Variants in STARD9 observed in about 807,000 individuals in gnomAD.
STARD9 encodes stAR-related lipid transfer protein 9.
In STARD9, 346 loss-of-function variants were observed where a neutral mutation model predicts 399.8. That is an observed-to-expected ratio of 0.87 (90% CI 0.79 to 0.95). The LOEUF is 0.95. STARD9 is among the 40% of genes least tolerant of loss of function. The probability of loss-of-function intolerance (pLI) is 0.00; values close to 1 mark genes in which losing one functional copy is unlikely to be tolerated. For synonymous variants in STARD9, 2,203 were observed against 2,143.5 expected (o/e 1.03, Z -0.77); for missense variants, 5,832 against 5,667.5 (o/e 1.03, Z -0.93).
chr15:42,602,976 G>T (rs572711131), intron 3 of STARD9, among the ~76,000 whole-genome samples: 73 of 152,128 alleles, frequency 4.8e-4, no homozygotes, highest in Non-Finnish European at 1.0e-3. Flanking sequence ...CTATTCTCCT[G>T]CCTCATATCC....
intron 7 of STARD9, among the ~76,000 whole-genome samples, chr15:42,641,713 T>C (rs2059542201): frequency 6.6e-6 from 1 of 152,016 alleles, no homozygotes; most frequent in Non-Finnish European, 1.5e-5. Flanking sequence ...CAAGCGATTC[T>C]CCTGCCTCAG....
chr15:42,692,174 C>G lies in STARD9; in HGVS notation c.10596C>G (p.Tyr3532Ter), dbSNP rs771467900. 6.5e-6 allele frequency: 10 copies of G among 1,536,952 alleles called. No individual in the cohort carries two copies. Among genetic ancestry groups the G allele is most frequent in the Admixed American group, 3.9e-5 (2 of 50,972 alleles). Residue 3532 changes from tyrosine to a stop codon, truncating the protein, a stop_gained, in exon 23 of 33, where the codon TAC becomes TAG. Transcript: ENST00000290607. LOFTEE classifies it high-confidence loss of function. Reference protein sequence around the residue: ...NSPFHSHLSTYANICDLSTTH... With the variant: ...NSPFHSHLST The stretch of plus-strand genomic sequence containing the variant: ...CTTTCCACTCCCACCTCAGCACTTA[C>G]GCCAATATTTGTGATCTGTCAACCA...
intron 15 of STARD9, among the ~76,000 whole-genome samples, chr15:42,668,232 G>GA (rs2089200028): frequency 1.3e-5 from 2 of 152,100 alleles, no homozygotes; most frequent in South Asian, 4.1e-4. Context: ...CCCTTTACAG[G>GA]TACCCTGTAG....
rs201642587 is a variant in STARD9, at chr15:42,712,080, AT to A, written c.13285-4595del. On this transcript the variant is annotated intron_variant, in intron 26 of 32. Transcript: ENST00000290607. The stretch of plus-strand genomic sequence containing the variant: ...AGCATCTTTTTATATATATATATAT[AT>A]TATATATATATATATAATATATAAT... Among the ~76,000 whole-genome samples, 371 of 40,272 alleles carry A rather than the reference AT, an allele frequency of 9.2e-3. 44 individuals are homozygous for A. In the African/African-American group the frequency reaches 0.1, roughly 11 times the overall value. The allele number at this position is 40,272 out of a possible 152,430, so 26.4% of individuals were successfully genotyped here.
intron 8 of STARD9, 117 bp from the exon 9 acceptor site, chr15:42,652,401 GTT>G: frequency 1.2e-6 from 1 of 842,862 alleles, no homozygotes; most frequent in South Asian, 1.5e-5. Flanking sequence ...AAATATGTGT[GTT>G]TTATGATTCT....
intron 27 of STARD9, 25 bp from the exon 28 acceptor site, chr15:42,716,902 C>T (rs1422094978): frequency 2.6e-6 from 4 of 1,536,924 alleles, no homozygotes; most frequent in Non-Finnish European, 3.5e-6. Context: ...AGTGCTATCA[C>T]AGGGCCTCCA....
At chr15:42,593,765 G>C (rs535963698) in intron 3 of STARD9, among the ~76,000 whole-genome samples, 3 of 135,080 alleles carry the variant, frequency 2.2e-5, no homozygotes, top group Non-Finnish European at 4.6e-5. Flanking sequence ...CCAGGTCCAC[G>C]CCATTCTCCT....
chr15:42,596,590 C>T (rs141419622), intron 3 of STARD9, among the ~76,000 whole-genome samples: 1 of 152,320 alleles, frequency 6.6e-6, no homozygotes, highest in Non-Finnish European at 1.5e-5. Context: ...CATACTTGCA[C>T]AGTAAGCCTG....
chr15:42,673,097 CAAA>C (rs372408591), intron 16 of STARD9: 6 of 102,976 alleles, frequency 5.8e-5, no homozygotes, highest in Non-Finnish European at 6.0e-5. Context: ...GACTCCATCT[CAAA>C]AAAAAAAAAA....
intron 20 of STARD9, among the ~76,000 whole-genome samples, chr15:42,680,412 C>T (rs1406671406): frequency 1.3e-5 from 2 of 151,982 alleles, no homozygotes; most frequent in African/African-American, 2.4e-5. Flanking sequence ...CCAGCCTGGC[C>T]AACATGGTAA....
intron 9 of STARD9, among the ~76,000 whole-genome samples, chr15:42,657,163 C>T (rs1293227491): frequency 6.6e-6 from 1 of 151,954 alleles, no homozygotes; most frequent in Non-Finnish European, 1.5e-5. Context: ...TTGAGACCAG[C>T]CTGGCCAACA....
intron 3 of STARD9, among the ~76,000 whole-genome samples, chr15:42,617,688 C>T (rs1268998228): frequency 6.6e-6 from 1 of 152,126 alleles, no homozygotes; most frequent in East Asian, 1.9e-4. Context: ...TATTGTACTA[C>T]CATTTGATTT....
At chr15:42,710,495 C>G (rs559429992) in intron 26 of STARD9, among the ~76,000 whole-genome samples, 1 of 152,246 alleles carries the variant, frequency 6.6e-6, no homozygotes, top group Non-Finnish European at 1.5e-5. Flanking sequence ...TTCACCATTC[C>G]CCAGCCCTTG....
chr15:42,665,772 C>G lies in STARD9; in HGVS notation c.1255-14C>G. ...ACCAGGAAAATATCAAAGCACATCT[C>G]TATCTTTGTGCAGAGAAACTTCAGT... On this transcript the variant is annotated splice_polypyrimidine_tract_variant and intron_variant, in intron 14 of 32. Transcript: ENST00000290607. 1 of 1,536,432 alleles carries G rather than the reference C, an allele frequency of 6.5e-7. No individual in the cohort carries two copies. Among genetic ancestry groups the G allele is most frequent in the South Asian group, 1.2e-5 (1 of 84,036 alleles).
intron 26 of STARD9, among the ~76,000 whole-genome samples, chr15:42,703,637 T>C (rs941535798): frequency 5.9e-5 from 9 of 151,386 alleles, no homozygotes; most frequent in African/African-American, 2.2e-4. Context: ...CCTCCCAAAA[T>C]ACTAGGATTA....
At chr15:42,670,329 A>G (rs1675700221) in intron 16 of STARD9, 1 of 152,220 alleles carries the variant, frequency 6.6e-6, no homozygotes, top group African/African-American at 2.4e-5. Context: ...CCATCTAGAA[A>G]AAGATTAAAG....
intron 9 of STARD9, among the ~76,000 whole-genome samples, chr15:42,654,475 AAG>A (rs893347406): frequency 1.3e-5 from 2 of 152,200 alleles, no homozygotes; most frequent in Non-Finnish European, 2.9e-5. Flanking sequence ...CAGATCAGTA[AAG>A]AGGAAGTCAA....
At chr15:42,585,689 T>C (rs987320833) in intron 3 of STARD9, 52 bp downstream of exon 3, 10 of 1,128,078 alleles carry the variant, frequency 8.9e-6, no homozygotes, top group Non-Finnish European at 1.3e-5. Flanking sequence ...TTATGTATAA[T>C]ATTTAAGATG....
Position 42,681,193 on chromosome 15 carries a change from C to G in STARD9, c.1875-229C>G, listed in dbSNP as rs947086402. The stretch of plus-strand genomic sequence containing the variant: ...AAAATGGATTTGTGTTTCTGCTAAC[C>G]CCACAACTCTAAGACTATGCCAGTT... On this transcript the variant is annotated intron_variant, in intron 20 of 32. Coordinates refer to ENST00000290607, the MANE Select transcript of STARD9 (RefSeq NM_020759.3). Among the ~76,000 whole-genome samples, 4 of 152,254 alleles carry G rather than the reference C, an allele frequency of 2.6e-5. No homozygotes were observed. In the East Asian group the frequency reaches 5.8e-4, roughly 22 times the overall value.
Sources: gnomAD v4.1 joint callset for allele counts (sites outside exome capture counted in the v4.1 genomes callset) on GRCh38, gnomAD v4.1.1 for gene constraint, MANE v1.5 for transcripts, NCBI Gene and HGNC (gene_info 2026-07-23, HGNC 2026-07-21) for gene names.